Variants in CDH18 observed in about 807,000 individuals in gnomAD.
The protein encoded by CDH18 is cadherin 18.
A neutral mutation model predicts 67.9 loss-of-function variants in CDH18; 31 were observed. The ratio of observed to expected loss-of-function variants is 0.46; its 90% CI spans 0.34 to 0.62. CDH18 has a LOEUF of 0.62. Ranked by LOEUF, CDH18 falls within the 20% of genes least tolerant of loss-of-function variation. CDH18 has a pLI of 0.01. For synonymous variants in CDH18, 362 were observed against 347.2 expected (o/e 1.04, Z -0.48); for missense variants, 890 against 975.5 (o/e 0.91, Z 1.17).
At chr5:20,419,462 GTTTTTTTTTTTTTTT>G (rs202130030) in intron 1 of CDH18, among the ~76,000 whole-genome samples, 1 of 75,646 alleles carries the variant, frequency 1.3e-5, no homozygotes, top group Non-Finnish European at 2.6e-5. Context: ...ATGGGACTCT[GTTTTTTTTTTTTTTT>G]TTTTTTTTTT....
chr5:19,719,033 C>T (rs1765681888), intron 5 of CDH18, among the ~76,000 whole-genome samples: 1 of 151,936 alleles, frequency 6.6e-6, no homozygotes, highest in Non-Finnish European at 1.5e-5. Flanking sequence ...GTCTCAGTGA[C>T]CTAATTTATC....
intron 3 of CDH18, among the ~76,000 whole-genome samples, chr5:19,828,537 C>T (rs186682743): frequency 3.2e-3 from 489 of 152,306 alleles, no homozygotes; most frequent in African/African-American, 0.011. Context: ...AAAGCTACTC[C>T]ACCATGATCA....
At chr5:19,936,913 A>G (rs1287149216) in intron 2 of CDH18, among the ~76,000 whole-genome samples, 1 of 151,236 alleles carries the variant, frequency 6.6e-6, no homozygotes, top group Admixed American at 6.6e-5. Context: ...AGATACAGAT[A>G]CTGCAATTAT....
chr5:20,418,233 TGCTG>T (rs1040479835), intron 1 of CDH18, among the ~76,000 whole-genome samples: 1 of 146,558 alleles, frequency 6.8e-6, no homozygotes, highest in African/African-American at 2.5e-5. Context: ...CTGCCACCAC[TGCTG>T]GCTAATTTTT....
At chr5:20,180,893 A>T (rs1737636533) in intron 2 of CDH18, among the ~76,000 whole-genome samples, 1 of 152,110 alleles carries the variant, frequency 6.6e-6, no homozygotes, top group Admixed American at 6.6e-5. Context: ...TAGACGGATC[A>T]TTGATATAAC....
At chr5:19,800,470 A>G (rs1777340338) in intron 3 of CDH18, among the ~76,000 whole-genome samples, 1 of 152,146 alleles carries the variant, frequency 6.6e-6, no homozygotes, top group South Asian at 2.1e-4. Flanking sequence ...CATTTATCTG[A>G]ATGTCTTATA....
chr5:19,569,920 C>T (rs1367213612), intron 8 of CDH18, among the ~76,000 whole-genome samples: 1 of 151,698 alleles, frequency 6.6e-6, no homozygotes, highest in Non-Finnish European at 1.5e-5. Flanking sequence ...ATAAATTAAA[C>T]TAATGGTTGC....
chr5:19,738,459 C>T (rs1368310186), intron 4 of CDH18, among the ~76,000 whole-genome samples: 1 of 152,124 alleles, frequency 6.6e-6, no homozygotes, highest in East Asian at 1.9e-4. Flanking sequence ...CCTCTTTAAA[C>T]TGCCAAGAAT....
chr5:19,498,816 C>G (rs930450358), intron 11 of CDH18, among the ~76,000 whole-genome samples: 2 of 152,156 alleles, frequency 1.3e-5, no homozygotes, highest in African/African-American at 4.8e-5. Context: ...AACTTCTTGC[C>G]TATAAATTTT....
rs1044759768 is a variant in CDH18, at chr5:20,425,207, G to A, written c.-580+150255C>T. 3.3e-5 allele frequency among the ~76,000 whole-genome samples: 5 copies of A among 150,306 alleles called. No individual in the cohort carries two copies. In the East Asian group the frequency reaches 9.7e-4, roughly 29 times the overall value. ...ATGGTGAAAGTGTGTCTCTACTAAA[G>A]ATACAAAAAATTAGCTGGGTGTGGT... On this transcript the variant is annotated intron_variant, in intron 1 of 14. Coordinates refer to the CDH18 transcript ENST00000507958.
intron 2 of CDH18, among the ~76,000 whole-genome samples, chr5:20,232,317 A>C (rs1015121077): frequency 6.6e-6 from 1 of 152,152 alleles, no homozygotes; most frequent in Non-Finnish European, 1.5e-5. Context: ...TTAAATCCTC[A>C]GGCAATGGGT....
chr5:20,029,616 G>A (rs557512327), intron 2 of CDH18, among the ~76,000 whole-genome samples: 124 of 152,260 alleles, frequency 8.1e-4, no homozygotes, highest in African/African-American at 2.9e-3. Context: ...TTATTTATTG[G>A]AAAATGATTA....
chr5:20,514,714 G>A (rs1755256267), intron 1 of CDH18, among the ~76,000 whole-genome samples: 1 of 152,026 alleles, frequency 6.6e-6, no homozygotes, highest in Non-Finnish European at 1.5e-5. Flanking sequence ...CTTATGCTGA[G>A]CCACAAGGTG....
chr5:20,512,696 C>A (rs1323816000), intron 1 of CDH18, among the ~76,000 whole-genome samples: 2 of 151,904 alleles, frequency 1.3e-5, no homozygotes, highest in Non-Finnish European at 2.9e-5. Context: ...CCAGCCTGGC[C>A]AATATAGTGA....
intron 2 of CDH18, among the ~76,000 whole-genome samples, chr5:20,244,239 A>C (rs1392131170): frequency 6.6e-6 from 1 of 152,114 alleles, no homozygotes; most frequent in East Asian, 1.9e-4. Context: ...GATCTAACTT[A>C]ATGTGATAAA....
intron 2 of CDH18, among the ~76,000 whole-genome samples, chr5:20,149,956 C>G (rs1055147376): frequency 4.0e-5 from 6 of 151,870 alleles, no homozygotes; most frequent in Non-Finnish European, 7.4e-5. Flanking sequence ...ATCCTTAATG[C>G]AATTCAGAGT....
At chr5:19,842,331 T>C (rs753227504) in intron 2 of CDH18, among the ~76,000 whole-genome samples, 1 of 152,114 alleles carries the variant, frequency 6.6e-6, no homozygotes, top group African/African-American at 2.4e-5. Context: ...AGGGACCTCA[T>C]GGGAGGTGAT....
intron 1 of CDH18, among the ~76,000 whole-genome samples, chr5:20,404,969 T>A (rs1746101824): frequency 1.3e-5 from 2 of 152,178 alleles, no homozygotes; most frequent in African/African-American, 4.8e-5. Context: ...AGGCTGCTAC[T>A]ATTTTACTTG....
intron 3 of CDH18, among the ~76,000 whole-genome samples, chr5:19,821,216 T>C (rs576787498): frequency 6.6e-6 from 1 of 152,160 alleles, no homozygotes; most frequent in East Asian, 1.9e-4. Flanking sequence ...ACAATGATCC[T>C]AGAGTGCAAC....
Sources: gnomAD v4.1 joint callset for allele counts (sites outside exome capture counted in the v4.1 genomes callset) on GRCh38, gnomAD v4.1.1 for gene constraint, MANE v1.5 for transcripts, NCBI Gene and HGNC (gene_info 2026-07-23, HGNC 2026-07-21) for gene names.